The following MPRIP variants were observed in gnomAD, a reference collection of about 807,000 sequenced individuals.
The protein encoded by MPRIP is myosin phosphatase Rho interacting protein.
Under a neutral mutation model 234.9 loss-of-function variants are expected in MPRIP, and 59 were observed. That is an observed-to-expected ratio of 0.25 (90% CI 0.20 to 0.31). MPRIP has a LOEUF of 0.31. Ranked by LOEUF, MPRIP falls within the 10% of genes least tolerant of loss-of-function variation. The pLI, the probability that MPRIP is intolerant of heterozygous loss-of-function variation, is 1.00. For synonymous variants in MPRIP, 1,144 were observed against 1,263.9 expected, an observed-to-expected ratio of 0.91 and a Z score of 2.01; for missense variants, 2,436 against 3,071.0, an observed-to-expected ratio of 0.79 and a Z score of 4.89.
intron 14 of MPRIP, among the ~76,000 whole-genome samples, chr17:17,160,451 CCA>C (rs2045838406): frequency 1.3e-5 from 2 of 152,354 alleles, no homozygotes; most frequent in South Asian, 4.1e-4. Context: ...TGACTGTCCA[CCA>C]CACACACAGC....
chr17:17,164,364 G>A lies in MPRIP; in HGVS notation c.2773G>A (p.Gly925Ser), dbSNP rs761556690. The change falls in exon 16 of 24, where the codon GGC becomes AGC. Residue 925 changes from glycine to serine, a missense_variant. Gly to Ser is a moderately conservative substitution (Grantham distance 56, BLOSUM62 0). Coordinates refer to ENST00000651222, the MANE Select transcript of MPRIP (RefSeq NM_001364716.4). ...GGAGCAGGCGCTGGCCAAGCTCAAGGGCGACCTGAAGCGGGAGCAGGGCCG... is the reference window on the plus strand; with the variant it reads ...GGAGCAGGCGCTGGCCAAGCTCAAGAGCGACCTGAAGCGGGAGCAGGGCCG... ...IKEQALAKLKGDLKREQGRVR... is the reference protein window; with the variant it reads ...IKEQALAKLKSDLKREQGRVR... 7.7e-7 allele frequency: 1 copy of A among 1,298,388 alleles called. No individual in the cohort carries two copies. The highest frequency in any genetic ancestry group is 1.2e-5 in the South Asian group (1 of 80,980). 80.4% of individuals were successfully genotyped at this position (1,298,388 alleles called of 1,614,324 possible).
At chr17:17,174,952 C>T (rs546467260) in intron 19 of MPRIP, among the ~76,000 whole-genome samples, 1 of 152,350 alleles carries the variant, frequency 6.6e-6, no homozygotes, top group Non-Finnish European at 1.5e-5. Flanking sequence ...CCTGCACAAA[C>T]ACCCCCTGGG....
At chr17:17,061,736 G>A (rs1422529623) in intron 1 of MPRIP, among the ~76,000 whole-genome samples, 1 of 152,148 alleles carries the variant, frequency 6.6e-6, no homozygotes, top group African/African-American at 2.4e-5. Context: ...GGAGCCTGGT[G>A]TGAGGGAGCC....
intron 6 of MPRIP, among the ~76,000 whole-genome samples, chr17:17,137,075 C>T (rs2090716286): frequency 6.6e-6 from 1 of 152,166 alleles, no homozygotes; most frequent in Non-Finnish European, 1.5e-5. Flanking sequence ...GGGGCCAGCC[C>T]AGCTCGCTCT....
chr17:17,051,301 G>A (rs775193535), intron 1 of MPRIP, among the ~76,000 whole-genome samples: 3 of 152,130 alleles, frequency 2.0e-5, no homozygotes, highest in Non-Finnish European at 2.9e-5. Flanking sequence ...GTGTGGCAGC[G>A]AGGCACAGGG....
chr17:17,185,687 T>G lies in MPRIP; in HGVS notation c.*793T>G. The G allele has an allele frequency of 2.7e-6, 1 of 370,324 alleles. No homozygotes were observed. The highest frequency in any genetic ancestry group is 2.0e-5 in the South Asian group (1 of 50,492). 22.9% of individuals were successfully genotyped at this position (370,324 alleles called of 1,614,324 possible). On this transcript the variant is annotated 3_prime_UTR_variant, in exon 24 of 24. Coordinates refer to ENST00000651222, the MANE Select transcript of MPRIP (RefSeq NM_001364716.4). The stretch of plus-strand genomic sequence containing the variant: ...CTGCAGCCCAGGTTTCAGACTCTGA[T>G]TGCAAAAAACAAATGAATTCCCCCC...
At chr17:17,176,009 C>T (rs978359467) in intron 20 of MPRIP, among the ~76,000 whole-genome samples, 3 of 152,280 alleles carry the variant, frequency 2.0e-5, no homozygotes, top group South Asian at 2.1e-4. Context: ...GCTCCTGCCC[C>T]GAGTCCAGGT....
intron 5 of MPRIP, among the ~76,000 whole-genome samples, chr17:17,133,421 A>T (rs1471383416): frequency 1.3e-5 from 2 of 152,034 alleles, no homozygotes. Context: ...TTGAGATGGG[A>T]TCTTTGGTCA....
intron 1 of MPRIP, among the ~76,000 whole-genome samples, chr17:17,044,952 G>A (rs183585183): frequency 1.2e-3 from 182 of 152,254 alleles, no homozygotes; most frequent in African/African-American, 4.1e-3. Context: ...GGATCTTTCA[G>A]GAAGAAACTG....
At chr17:17,110,017 C>T (rs1424601090) in intron 3 of MPRIP, among the ~76,000 whole-genome samples, 2 of 152,058 alleles carry the variant, frequency 1.3e-5, no homozygotes, top group African/African-American at 2.4e-5. Flanking sequence ...GGAGGTGGGG[C>T]CTAGTTGGGA....
chr17:17,101,926 C>A (rs1385053283), intron 3 of MPRIP, among the ~76,000 whole-genome samples: 1 of 152,192 alleles, frequency 6.6e-6, no homozygotes, highest in Non-Finnish European at 1.5e-5. Flanking sequence ...TAAAAGAGGG[C>A]TGGCTTACCC....
intron 14 of MPRIP, among the ~76,000 whole-genome samples, chr17:17,159,332 G>A (rs960631152): frequency 7.2e-5 from 11 of 152,248 alleles, no homozygotes; most frequent in Non-Finnish European, 1.5e-4. Flanking sequence ...CAGGAGGGGC[G>A]CGAGCAGGGC....
chr17:17,162,512 C>CT (rs1399416959), intron 15 of MPRIP, among the ~76,000 whole-genome samples: 96 of 152,322 alleles, frequency 6.3e-4, no homozygotes, highest in East Asian at 5.8e-4. Context: ...GCCCTAGACT[C>CT]TCCTCTCCAG....
intron 3 of MPRIP, among the ~76,000 whole-genome samples, chr17:17,105,789 A>G (rs1232835427): frequency 6.6e-6 from 1 of 152,228 alleles, no homozygotes; most frequent in Non-Finnish European, 1.5e-5. Flanking sequence ...CTGGTGGCCT[A>G]GGCAGGGCCT....
intron 3 of MPRIP, among the ~76,000 whole-genome samples, chr17:17,114,502 G>T (rs1362623123): frequency 6.6e-6 from 1 of 152,070 alleles, no homozygotes; most frequent in African/African-American, 2.4e-5. Context: ...AGTGTTACAG[G>T]GCTTTTTTCC....
intron 3 of MPRIP, among the ~76,000 whole-genome samples, chr17:17,086,745 ACACC>A (rs2089599785): frequency 6.6e-6 from 1 of 152,328 alleles, no homozygotes; most frequent in African/African-American, 2.4e-5. Flanking sequence ...CTGACAAGTG[ACACC>A]CACTTTTTTT....
At chr17:17,111,210 CA>C (rs1250806652) in intron 3 of MPRIP, among the ~76,000 whole-genome samples, 1 of 97,336 alleles carries the variant, frequency 1.0e-5, no homozygotes, top group Admixed American at 1.3e-4. Context: ...AGCCCTGTTT[CA>C]CAAGGGGTAG....
At chr17:17,119,611 C>T (rs2090350300) in intron 3 of MPRIP, among the ~76,000 whole-genome samples, 1 of 152,192 alleles carries the variant, frequency 6.6e-6, no homozygotes. Flanking sequence ...CCTGTAGCTA[C>T]TCAGGGCCTG....
In MPRIP at chr17:17,190,712, A is replaced by G. The variant is rs1310798287; in HGVS notation, c.*5818A>G. On this transcript the variant is annotated 3_prime_UTR_variant, in exon 24 of 24. Coordinates refer to ENST00000651222, the MANE Select transcript of MPRIP (RefSeq NM_001364716.4). Reference sequence around the variant, plus strand: ...GGCAGGGTAGGGGAGTCAGTAGCTCAACACTAGATCATCCCTAGAGATGGG... The same window carrying G: ...GGCAGGGTAGGGGAGTCAGTAGCTCGACACTAGATCATCCCTAGAGATGGG... The G allele has an allele frequency of 6.6e-6, 1 of 152,176 alleles. No individual in the cohort carries two copies. 9.4% of individuals were successfully genotyped at this position (152,176 alleles called of 1,614,324 possible).
Sources: gnomAD v4.1 joint callset for allele counts (sites outside exome capture counted in the v4.1 genomes callset) on GRCh38, gnomAD v4.1.1 for gene constraint, MANE v1.5 for transcripts, NCBI Gene and HGNC (gene_info 2026-07-23, HGNC 2026-07-21) for gene names.